The following BRD10 variants were observed in gnomAD, a reference collection of about 807,000 sequenced individuals.
BRD10 encodes uncharacterized bromodomain-containing protein 10.
the BRD10 span, among the ~76,000 whole-genome samples, chr9:5,983,949 T>C: frequency 6.9e-6 from 1 of 145,108 alleles, no homozygotes; most frequent in Non-Finnish European, 1.5e-5. Flanking sequence ...CAGAGTCATA[T>C]ATGTATATGC....
chr9:5,964,116 G>A, the BRD10 span, among the ~76,000 whole-genome samples: 2 of 151,680 alleles, frequency 1.3e-5, no homozygotes, highest in African/African-American at 4.8e-5. Flanking sequence ...GAGTGAACAG[G>A]CAACCCACAA....
chr9:5,895,361 G>A, the BRD10 span, among the ~76,000 whole-genome samples: 1 of 151,906 alleles, frequency 6.6e-6, no homozygotes, highest in Admixed American at 6.6e-5. Flanking sequence ...GTGGGATGGA[G>A]GTAGGGGAAT....
chr9:5,915,539 G>C, the BRD10 span, among the ~76,000 whole-genome samples: 1 of 152,048 alleles, frequency 6.6e-6, no homozygotes, highest in Non-Finnish European at 1.5e-5. Context: ...TTCCCTATGG[G>C]TCCTCTTAAC....
At chr9:5,916,777 T>C in the BRD10 span, among the ~76,000 whole-genome samples, 1 of 152,116 alleles carries the variant, frequency 6.6e-6, no homozygotes, top group African/African-American at 2.4e-5. Flanking sequence ...TATAAAAACA[T>C]GACTCTCCAG....
chr9:5,940,108 A>G, the BRD10 span, among the ~76,000 whole-genome samples: 7 of 141,990 alleles, frequency 4.9e-5, no homozygotes, highest in Non-Finnish European at 1.1e-4. Context: ...AATTTTATCC[A>G]TTACTTGAAA....
chr9:5,934,358 C>CTTTTTTTT, the BRD10 span, among the ~76,000 whole-genome samples: 4 of 129,984 alleles, frequency 3.1e-5, no homozygotes, highest in Non-Finnish European at 3.2e-5. Context: ...TTACGCTTTT[C>CTTTTTTTT]TTTTTTTTTT....
chr9:6,007,433 G>A, the BRD10 span: 1 of 1,606,410 alleles, frequency 6.2e-7, no homozygotes, highest in Non-Finnish European at 8.5e-7. Flanking sequence ...CCGCTGCGCG[G>A]CCCTTCCGCC....
chr9:5,968,580 T>C, the BRD10 span: 2 of 1,613,968 alleles, frequency 1.2e-6, no homozygotes, highest in Non-Finnish European at 1.7e-6. Flanking sequence ...AAGATCATTT[T>C]AGCAGGACAG....
chr9:6,006,361 A>C, the BRD10 span, among the ~76,000 whole-genome samples: 1 of 152,246 alleles, frequency 6.6e-6, no homozygotes, highest in African/African-American at 2.4e-5. Flanking sequence ...CTACTATTCC[A>C]CTTCAACTAC....
chr9:5,954,582 C>T, the BRD10 span, among the ~76,000 whole-genome samples: 2 of 152,192 alleles, frequency 1.3e-5, no homozygotes, highest in African/African-American at 4.8e-5. Flanking sequence ...ACTCCTTTAG[C>T]TCTGCACTCA....
chr9:5,996,691 T>C, the BRD10 span, among the ~76,000 whole-genome samples: 9 of 152,200 alleles, frequency 5.9e-5, no homozygotes, highest in African/African-American at 1.9e-4. Context: ...TTTTTCTGAA[T>C]TTAGGAAAGG....
At chr9:5,998,919 T>A in the BRD10 span, among the ~76,000 whole-genome samples, 1 of 151,792 alleles carries the variant, frequency 6.6e-6, no homozygotes, top group African/African-American at 2.4e-5. Flanking sequence ...GTGGAATACC[T>A]TGAAATACTA....
chr9:6,003,682 T>G, the BRD10 span, among the ~76,000 whole-genome samples: 1 of 152,162 alleles, frequency 6.6e-6, no homozygotes, highest in Non-Finnish European at 1.5e-5. Flanking sequence ...AATTTGGAAT[T>G]CATTCTGAGA....
the BRD10 span, among the ~76,000 whole-genome samples, chr9:6,003,496 T>C: frequency 6.6e-6 from 1 of 152,188 alleles, no homozygotes; most frequent in Admixed American, 6.5e-5. Flanking sequence ...ATGAATGAGA[T>C]CCCTTCTAAA....
the BRD10 span, among the ~76,000 whole-genome samples, chr9:5,991,849 G>C: frequency 6.6e-6 from 1 of 151,312 alleles, no homozygotes; most frequent in East Asian, 1.9e-4. Context: ...TATGGCCTTC[G>C]CCTACCTCTC....
At chr9:5,925,218 G>C in the BRD10 span, among the ~76,000 whole-genome samples, 1 of 151,902 alleles carries the variant, frequency 6.6e-6, no homozygotes, top group Non-Finnish European at 1.5e-5. Flanking sequence ...AATTAGCCAG[G>C]CGTGGTGGTG....
At chr9:5,980,424 G>A in the BRD10 span, among the ~76,000 whole-genome samples, 1 of 152,038 alleles carries the variant, frequency 6.6e-6, no homozygotes, top group African/African-American at 2.4e-5. Context: ...AACTAATAAA[G>A]ACAGCAATAG....
the BRD10 span, chr9:5,921,000 G>A: frequency 6.2e-7 from 1 of 1,613,940 alleles, no homozygotes; most frequent in East Asian, 2.2e-5. Flanking sequence ...GAGGTCACTG[G>A]AAAGGAACCC....
chr9:5,980,016 A>AAAAAAAAAAAAAG, the BRD10 span, among the ~76,000 whole-genome samples: 2 of 30,434 alleles, frequency 6.6e-5, no homozygotes, highest in Middle Eastern at 0.016. Context: ...CTCCATCTCA[A>AAAAAAAAAAAAAG]AAAAAAAAAA....
Sources: allele counts gnomAD v4.1 joint callset (sites outside exome capture counted in the v4.1 genomes callset), GRCh38; gene constraint gnomAD v4.1.1; transcripts MANE v1.5; gene names NCBI Gene and HGNC (gene_info 2026-07-23, HGNC 2026-07-21).